Variants in GALNT2 observed in about 807,000 individuals in gnomAD.
GALNT2 encodes UDP-GalNAc:polypeptide N-acetylgalactosaminyltransferase 2.
Under a neutral mutation model 81.4 loss-of-function variants are expected in GALNT2, and 31 were observed. The observed-to-expected ratio is 0.38, with a 90% CI of 0.29 to 0.51. The LOEUF is 0.51. Ranked by LOEUF, GALNT2 falls within the 20% of genes least tolerant of loss-of-function variation. GALNT2 has a pLI of 0.87. For synonymous variants in GALNT2, 303 were observed against 287.4 expected, an observed-to-expected ratio of 1.05 and a Z score of -0.55; for missense variants, 629 against 765.7, an observed-to-expected ratio of 0.82 and a Z score of 2.11.
intron 1 of GALNT2, among the ~76,000 whole-genome samples, chr1:230,087,500 G>A (rs771035340): frequency 4.6e-5 from 7 of 152,150 alleles, no homozygotes; most frequent in Admixed American, 2.0e-4. Flanking sequence ...GTTAACCAGC[G>A]GTTTTCAATC....
chr1:230,279,671 A>G lies in GALNT2; in HGVS notation c.*213A>G, dbSNP rs112499399. The G allele has an allele frequency of 4.7e-3, 2,924 of 625,796 alleles. 64 individuals are homozygous for G. The African/African-American group carries it at 0.048, about 10-fold the overall frequency. 38.8% of individuals were successfully genotyped at this position (625,796 alleles called of 1,614,324 possible). ...ACTGCCCTCCCCCTCCTCTCGGTGC[A>G]GCCCAGCCGGGCCCCCTTCCCCAGG... On this transcript the variant is annotated 3_prime_UTR_variant, in exon 16 of 16. Coordinates refer to ENST00000366672, the MANE Select transcript of GALNT2 (RefSeq NM_004481.5). This position sits in a 1 kb window ranked among gnomAD's most constrained non-coding sequence, Gnocchi z 4.6.
chr1:230,206,997 C>G (rs1664076644), intron 3 of GALNT2, among the ~76,000 whole-genome samples: 1 of 151,724 alleles, frequency 6.6e-6, no homozygotes, highest in South Asian at 2.1e-4. Flanking sequence ...TTCCCGTCCC[C>G]CTTTCCTGCT....
At chr1:230,089,569 C>T (rs1659999694) in intron 1 of GALNT2, among the ~76,000 whole-genome samples, 1 of 152,154 alleles carries the variant, frequency 6.6e-6, no homozygotes, top group South Asian at 2.1e-4. Context: ...AGTAACTCTC[C>T]ATTCTCCCTC....
At chr1:230,152,195 T>C (rs1232090470) in intron 1 of GALNT2, among the ~76,000 whole-genome samples, 1 of 152,174 alleles carries the variant, frequency 6.6e-6, no homozygotes, top group South Asian at 2.1e-4. Flanking sequence ...CCAACTCCTA[T>C]TCAAGATGGA....
intron 1 of GALNT2, among the ~76,000 whole-genome samples, chr1:230,096,337 G>A (rs756908962): frequency 1.3e-5 from 2 of 152,200 alleles, no homozygotes; most frequent in Non-Finnish European, 2.9e-5. Flanking sequence ...TTAGTCATTT[G>A]CTTACGTGAT....
intron 2 of GALNT2, among the ~76,000 whole-genome samples, chr1:230,198,994 G>A (rs1172783486): frequency 6.6e-6 from 1 of 152,028 alleles, no homozygotes; most frequent in Non-Finnish European, 1.5e-5. Flanking sequence ...GCCTCCTCAT[G>A]TAAAATGTTA....
chr1:230,154,750 G>C (rs75979285), intron 1 of GALNT2, among the ~76,000 whole-genome samples: 1,564 of 152,158 alleles, frequency 0.01, 29 homozygotes, highest in African/African-American at 0.036. Flanking sequence ...CATGGCCCTC[G>C]GAAGGAACAA....
At chr1:230,117,546 C>G (rs561964102) in intron 1 of GALNT2, among the ~76,000 whole-genome samples, 6 of 152,128 alleles carry the variant, frequency 3.9e-5, no homozygotes, top group African/African-American at 2.4e-5. Flanking sequence ...ATTTCAGTAT[C>G]GTGGTATCGC....
intron 1 of GALNT2, among the ~76,000 whole-genome samples, chr1:230,177,213 C>G (rs147228475): frequency 3.0e-4 from 46 of 152,376 alleles, no homozygotes; most frequent in Middle Eastern, 3.4e-3. Flanking sequence ...AAGTAAAGAA[C>G]CAAAACGTCT....
chr1:230,094,784 G>A (rs2102770701), intron 1 of GALNT2, among the ~76,000 whole-genome samples: 1 of 152,306 alleles, frequency 6.6e-6, no homozygotes, highest in Non-Finnish European at 1.5e-5. Flanking sequence ...GGTTGTGGGG[G>A]CACTTACCTT....
Position 230,212,968 on chromosome 1 carries a change from C to G in GALNT2, c.374+9678C>G, listed in dbSNP as rs78122088. On this transcript the variant is annotated intron_variant, in intron 3 of 15. Transcript: ENST00000366672. ...TTCGTTTGTGTCGATGTTGGCATCT[C>G]TGAAGGGCCCGTTTCAAGTCTCCTT... Among the ~76,000 whole-genome samples, 804 of 152,268 alleles carry G rather than the reference C, an allele frequency of 5.3e-3. 4 individuals are homozygous for G. The highest frequency in any genetic ancestry group is 0.019 in the African/African-American group (769 of 41,540).
chr1:230,226,374 C>G (rs1330154500), intron 3 of GALNT2, among the ~76,000 whole-genome samples: 1 of 152,218 alleles, frequency 6.6e-6, no homozygotes, highest in African/African-American at 2.4e-5. Flanking sequence ...AACACCCTCC[C>G]CCTGCCACCG....
At chr1:230,219,160 G>A (rs932848909) in intron 3 of GALNT2, among the ~76,000 whole-genome samples, 32 of 152,330 alleles carry the variant, frequency 2.1e-4, no homozygotes, top group African/African-American at 7.5e-4. Context: ...GTTATCTGTT[G>A]CCTCTTCTTT....
At chr1:230,075,140 T>G (rs796217912) in intron 1 of GALNT2, among the ~76,000 whole-genome samples, 51 of 145,362 alleles carry the variant, frequency 3.5e-4, no homozygotes, top group African/African-American at 9.6e-4. Flanking sequence ...TTTTTTTTTT[T>G]TTTGAGACAA....
intron 1 of GALNT2, chr1:230,091,969 C>T (rs1226683412): frequency 1.3e-5 from 2 of 152,212 alleles, no homozygotes; most frequent in Non-Finnish European, 2.9e-5. Flanking sequence ...TTTTTCTACC[C>T]AGTTACCTGG....
At chr1:230,259,308 T>C (rs1665809113) in intron 11 of GALNT2, among the ~76,000 whole-genome samples, 1 of 152,234 alleles carries the variant, frequency 6.6e-6, no homozygotes, top group African/African-American at 2.4e-5. Context: ...AAAATTTGTT[T>C]GTTTTATATA....
intron 13 of GALNT2, chr1:230,263,254 T>G: frequency 2.1e-6 from 1 of 485,490 alleles, no homozygotes; most frequent in Admixed American, 3.4e-5. Flanking sequence ...CCCCCGGGCC[T>G]CACCTTGTTT....
At chr1:230,086,043 G>A (rs952147667) in intron 1 of GALNT2, among the ~76,000 whole-genome samples, 2 of 152,150 alleles carry the variant, frequency 1.3e-5, no homozygotes, top group Non-Finnish European at 2.9e-5. Flanking sequence ...GAACGAACTC[G>A]GGTTCCACCA....
rs1280804107 is a variant in GALNT2 at position 230,174,755 on chromosome 1, C to T, written c.127-3463C>T. On this transcript the variant is annotated intron_variant, in intron 1 of 15. Transcript: ENST00000366672. Reference sequence around the variant, plus strand: ...GGCTCTCTTGTGCCCTCTAGTCTGCCCCCACCTTATAGCCATAGTGATATT... The same window carrying T: ...GGCTCTCTTGTGCCCTCTAGTCTGCTCCCACCTTATAGCCATAGTGATATT... 6.6e-5 allele frequency among the ~76,000 whole-genome samples: 10 copies of T among 152,252 alleles called. No homozygotes were observed. In the South Asian group the frequency reaches 1.9e-3, roughly 28 times the overall value.
Sources: gnomAD v4.1 joint callset for allele counts (sites outside exome capture counted in the v4.1 genomes callset) on GRCh38, gnomAD v4.1.1 for gene constraint, Gnocchi (gnomAD v3.1) non-coding constraint, MANE v1.5 for transcripts, NCBI Gene and HGNC (gene_info 2026-07-23, HGNC 2026-07-21) for gene names.